Variants in DRICH1 observed in about 807,000 individuals in gnomAD.
The protein encoded by DRICH1 is aspartate-rich protein 1.
DRICH1 carries 38 observed loss-of-function variants against 39.5 expected under a neutral mutation model. The observed-to-expected ratio is 0.96, with a 90% confidence interval of 0.74 to 1.26. The LOEUF is 1.26. DRICH1 is among the 50% of genes most tolerant of loss of function. The probability of loss-of-function intolerance (pLI) is 0.00; values close to 1 mark genes in which losing one functional copy is unlikely to be tolerated. For synonymous variants in DRICH1, 84 were observed against 99.5 expected, an observed-to-expected ratio of 0.84 and a Z score of 0.93; for missense variants, 279 against 270.4, an observed-to-expected ratio of 1.03 and a Z score of -0.22.
chr22:23,620,684 T>TTATTCTCTTGATGACTTCAGAAAACAA, intron 4 of DRICH1, 69 bp from the exon 5 acceptor site: 1 of 1,558,390 alleles, frequency 6.4e-7, no homozygotes, highest in East Asian at 2.2e-5. Flanking sequence ...CACAGATCTG[T>TTATTCTCTTGATGACTTCAGAAAACAA]TATTCTCTTG....
At chr22:23,619,920 T>C (rs569271743) in intron 5 of DRICH1, among the ~76,000 whole-genome samples, 74 of 151,454 alleles carry the variant, frequency 4.9e-4, no homozygotes, top group African/African-American at 1.7e-3. Context: ...CCTATGCATC[T>C]GGGCACACCA....
chr22:23,612,545 T>G (rs527367067), intron 11 of DRICH1, among the ~76,000 whole-genome samples: 10 of 148,040 alleles, frequency 6.8e-5, no homozygotes, highest in Non-Finnish European at 1.5e-4. Context: ...CAAAGCCAAA[T>G]TTTTGAAGAC....
chr22:23,613,030 A>G (rs1927132008), intron 11 of DRICH1, among the ~76,000 whole-genome samples: 2 of 152,310 alleles, frequency 1.3e-5, no homozygotes, highest in South Asian at 2.1e-4. Flanking sequence ...AAAGGCTATG[A>G]TGTTCCACAG....
chr22:23,585,051 C>G, the DRICH1 span, among the ~76,000 whole-genome samples: 1 of 152,192 alleles, frequency 6.6e-6, no homozygotes, highest in Non-Finnish European at 1.5e-5. Context: ...TTGAGTTCCC[C>G]AACTGTTGGC....
At chr22:23,616,922 C>T (rs755563291) in intron 7 of DRICH1, 48 bp from the exon 8 acceptor site, 15 of 1,604,164 alleles carry the variant, frequency 9.4e-6, no homozygotes, top group African/African-American at 2.7e-5. Context: ...TCAATTCTGC[C>T]ACACCCCTTA....
chr22:23,632,496 T>C (rs1377849636), upstream of DRICH1, among the ~76,000 whole-genome samples: 1 of 152,148 alleles, frequency 6.6e-6, no homozygotes, highest in African/African-American at 2.4e-5. Context: ...CCTGCCCCTC[T>C]GTGGGGACTG....
the DRICH1 span, among the ~76,000 whole-genome samples, chr22:23,588,246 C>T: frequency 1.3e-5 from 2 of 152,222 alleles, no homozygotes; most frequent in African/African-American, 4.8e-5. Context: ...CCTGCCTCAG[C>T]TTCCCAAGTC....
At chr22:23,595,628 CA>C in the DRICH1 span, among the ~76,000 whole-genome samples, 1 of 152,224 alleles carries the variant, frequency 6.6e-6, no homozygotes, top group Non-Finnish European at 1.5e-5. Context: ...AATAAACAGA[CA>C]CACATTTTCC....
At chr22:23,611,195 T>C (rs1041109183) in intron 11 of DRICH1, among the ~76,000 whole-genome samples, 2 of 152,158 alleles carry the variant, frequency 1.3e-5, no homozygotes, top group African/African-American at 4.8e-5. Context: ...CGTTAGTTTA[T>C]AGGTTAACCT....
chr22:23,593,671 C>T, the DRICH1 span, among the ~76,000 whole-genome samples: 1,385 of 143,230 alleles, frequency 9.7e-3, 8 homozygotes, highest in Non-Finnish European at 0.015. Flanking sequence ...TGATGTCGCG[C>T]GCCTGTAGTC....
chr22:23,591,375 G>A, the DRICH1 span, among the ~76,000 whole-genome samples: 1 of 152,316 alleles, frequency 6.6e-6, no homozygotes, highest in South Asian at 2.1e-4. Context: ...CACTCTTCCA[G>A]GCCCTGTTCT....
chr22:23,602,467 T>C, the DRICH1 span, among the ~76,000 whole-genome samples: 2 of 151,900 alleles, frequency 1.3e-5, no homozygotes, highest in African/African-American at 4.8e-5. Context: ...GGTGGGTCAC[T>C]TGGGGCCAGG....
the DRICH1 span, among the ~76,000 whole-genome samples, chr22:23,585,136 C>A: frequency 6.6e-6 from 1 of 151,674 alleles, no homozygotes; most frequent in Admixed American, 6.6e-5. Context: ...TCTCTCCTTC[C>A]TTCCCTCCTT....
chr22:23,589,089 GACACACACACACACACACACACAC>G, the DRICH1 span, among the ~76,000 whole-genome samples: 1 of 143,824 alleles, frequency 7.0e-6, no homozygotes. Flanking sequence ...TCTCCCAGCT[GACACACACACACACACACACACAC>G]ACACACACAC....
At chr22:23,623,926 TG>T in intron 3 of DRICH1, 1 of 977,232 alleles carries the variant, frequency 1.0e-6, no homozygotes, top group Non-Finnish European at 1.2e-6. Flanking sequence ...ATGGTAAAAC[TG>T]CATATTCTCA....
chr22:23,585,686 T>C, the DRICH1 span, among the ~76,000 whole-genome samples: 1 of 152,072 alleles, frequency 6.6e-6, no homozygotes, highest in Non-Finnish European at 1.5e-5. Context: ...CCCAGCTACT[T>C]TCTCTTTTAT....
At chr22:23,593,661 T>C in the DRICH1 span, among the ~76,000 whole-genome samples, 2 of 150,320 alleles carry the variant, frequency 1.3e-5, no homozygotes, top group African/African-American at 4.9e-5. Context: ...TAGCTGGGCA[T>C]GATGTCGCGC....
At chr22:23,618,561 C>T (rs1326812869) in intron 6 of DRICH1, among the ~76,000 whole-genome samples, 1 of 152,152 alleles carries the variant, frequency 6.6e-6, no homozygotes, top group Non-Finnish European at 1.5e-5. Context: ...TGATCAAGGG[C>T]TTCAGCAGCT....
At chr22:23,605,539 G>T (rs1364521417), downstream of DRICH1, among the ~76,000 whole-genome samples, 1 of 152,064 alleles carries the variant, frequency 6.6e-6, no homozygotes, top group Non-Finnish European at 1.5e-5. Flanking sequence ...GGAGGAGGGG[G>T]AGAGGAAGGG....
Sources: gnomAD v4.1 joint callset for allele counts (sites outside exome capture counted in the v4.1 genomes callset) on GRCh38, gnomAD v4.1.1 for gene constraint, MANE v1.5 for transcripts, NCBI Gene and HGNC (gene_info 2026-07-23, HGNC 2026-07-21) for gene names.